Variants in AKR1B1 observed in about 807,000 individuals in gnomAD.
The protein encoded by AKR1B1 is aldo-keto reductase family 1 member B1.
A neutral mutation model predicts 40.4 loss-of-function variants in AKR1B1; 22 were observed. The observed-to-expected ratio is 0.54, with a 90% CI of 0.39 to 0.78. AKR1B1 has a LOEUF of 0.78. Among genes scored for constraint, AKR1B1 ranks in the 30% least tolerant of loss-of-function variants. The pLI, the probability that AKR1B1 is intolerant of heterozygous loss-of-function variation, is 0.00. For missense variants in AKR1B1, 357 were observed against 396.7 expected, an observed-to-expected ratio of 0.90 and a Z score of 0.85; for synonymous variants, 157 against 149.9, an observed-to-expected ratio of 1.05 and a Z score of -0.35.
chr7:134,458,975 C>A (rs774282095), intron 1 of AKR1B1, 22 bp downstream of exon 1: 1 of 1,599,426 alleles, frequency 6.3e-7, no homozygotes. Flanking sequence ...AGCCCCGGGC[C>A]CGCGCCCCCA....
chr7:134,447,661 T>C (rs1806145770), intron 7 of AKR1B1: 1 of 614,046 alleles, frequency 1.6e-6, no homozygotes, highest in East Asian at 2.8e-5. Context: ...AAATGCACAC[T>C]ACCACTCAGG....
chr7:134,442,796 T>C, intron 9 of AKR1B1, 26 bp from the exon 10 acceptor site: 1 of 1,612,896 alleles, frequency 6.2e-7, no homozygotes, highest in Non-Finnish European at 8.5e-7. Context: ...AGAAAACAGT[T>C]GCTTTTTGAA....
chr7:134,458,924 G>C, intron 1 of AKR1B1, 73 bp downstream of exon 1: 1 of 1,505,984 alleles, frequency 6.6e-7, no homozygotes. Context: ...GGGTCACTCG[G>C]GGTCCCTCGC....
intron 8 of AKR1B1, among the ~76,000 whole-genome samples, chr7:134,447,027 C>T (rs1440740166): frequency 2.0e-5 from 3 of 152,050 alleles, no homozygotes; most frequent in African/African-American, 4.8e-5. Flanking sequence ...AGATTCTCCC[C>T]GGGTAACCTC....
chr7:134,448,267 G>T, intron 6 of AKR1B1, 120 bp downstream of exon 6: 2 of 998,196 alleles, frequency 2.0e-6, no homozygotes, highest in Non-Finnish European at 3.1e-6. Context: ...CCAGCAAGAG[G>T]CTCAGGGGAA....
chr7:134,449,879 A>C, intron 3 of AKR1B1, 82 bp from the exon 4 acceptor site: 1 of 1,110,326 alleles, frequency 9.0e-7, no homozygotes, highest in Admixed American at 1.7e-5. Flanking sequence ...TGGCATCTAA[A>C]ACAATTCTAA....
intron 1 of AKR1B1, among the ~76,000 whole-genome samples, chr7:134,452,805 G>A (rs1417599370): frequency 6.6e-6 from 1 of 152,204 alleles, no homozygotes; most frequent in Non-Finnish European, 1.5e-5. Flanking sequence ...ATTTTCAACA[G>A]GCTTTGGGGA....
intron 1 of AKR1B1, among the ~76,000 whole-genome samples, chr7:134,455,827 C>A (rs1354210679): frequency 6.6e-6 from 1 of 152,164 alleles, no homozygotes; most frequent in Non-Finnish European, 1.5e-5. Context: ...AGGTGATCCA[C>A]CCGCCTTGGC....
intron 1 of AKR1B1, among the ~76,000 whole-genome samples, chr7:134,456,347 G>A (rs917047918): frequency 1.3e-5 from 2 of 151,760 alleles, no homozygotes; most frequent in Non-Finnish European, 2.9e-5. Context: ...CTACAGGTGC[G>A]TGCCACGATG....
At chr7:134,443,610 G>A (rs1423553552) in intron 9 of AKR1B1, among the ~76,000 whole-genome samples, 3 of 151,508 alleles carry the variant, frequency 2.0e-5, no homozygotes, top group African/African-American at 7.3e-5. Flanking sequence ...GGGAGCACAG[G>A]TGCAGACGTG....
At chr7:134,458,636 C>T (rs983895824) in intron 1 of AKR1B1, among the ~76,000 whole-genome samples, 2 of 152,204 alleles carry the variant, frequency 1.3e-5, no homozygotes, top group Non-Finnish European at 2.9e-5. Flanking sequence ...CTGTGAAGCC[C>T]ACTTTCCCCG....
intron 2 of AKR1B1, 152 bp from the exon 3 acceptor site, chr7:134,451,054 T>C (rs1411221127): frequency 2.8e-6 from 2 of 718,086 alleles, no homozygotes; most frequent in African/African-American, 1.7e-5. Flanking sequence ...TACTGGATCC[T>C]AACTTTCCAA....
At chr7:134,447,561 C>G (rs1806142935) in intron 7 of AKR1B1, 180 bp from the exon 8 acceptor site, 8 of 681,874 alleles carry the variant, frequency 1.2e-5, no homozygotes, top group Non-Finnish European at 2.1e-5. Flanking sequence ...AGGTCCAGAT[C>G]TGACTCCAGA....
At chr7:134,452,927 G>A (rs542723072) in intron 1 of AKR1B1, among the ~76,000 whole-genome samples, 73 of 152,274 alleles carry the variant, frequency 4.8e-4, no homozygotes, top group African/African-American at 1.7e-3. Context: ...GAAGGTGTGG[G>A]TTAAGAGGGG....
chr7:134,450,637 A>T, intron 3 of AKR1B1, 149 bp downstream of exon 3: 1 of 739,624 alleles, frequency 1.4e-6, no homozygotes, highest in Non-Finnish European at 2.5e-6. Context: ...AGACGCTCCC[A>T]GGTGATGCCA....
chr7:134,451,746 G>A lies in AKR1B1; in HGVS notation c.74C>T (p.Pro25Leu), dbSNP rs2117458889. The A allele has an allele frequency of 6.2e-7, 1 of 1,614,124 alleles. No individual in the cohort carries two copies. The highest frequency in any genetic ancestry group is 8.5e-7 in the Non-Finnish European group (1 of 1,180,010). ...CTTCACGGCCTCAGTCACCTGCCCT[G>A]GAGGGGACTGAAAGGAGAAAGAACG... ...ILGLGTWKSP[P>L]GQVTEAVKVA... Residue 25 changes from proline (P) to leucine (L), a missense_variant, in exon 2 of 10, where the codon CCA (proline) becomes CTA (leucine). Transcript: ENST00000285930.
chr7:134,449,597 AAAGAG>A (rs1360104125), intron 4 of AKR1B1, 118 bp downstream of exon 4: 13 of 876,778 alleles, frequency 1.5e-5, no homozygotes, highest in South Asian at 2.9e-5. Context: ...AAAAAAAAAA[AAAGAG>A]AGAGCAAACA....
chr7:134,452,817 G>A (rs1806330882), intron 1 of AKR1B1, among the ~76,000 whole-genome samples: 1 of 152,224 alleles, frequency 6.6e-6, no homozygotes, highest in Admixed American at 6.5e-5. Flanking sequence ...CTTTGGGGAA[G>A]AAAGGGGCCC....
intron 4 of AKR1B1, chr7:134,449,483 A>C: frequency 1.7e-6 from 1 of 582,182 alleles, no homozygotes; most frequent in Admixed American, 3.0e-5. Flanking sequence ...GCTACTCAGG[A>C]GGCTGAGGCA....
Sources: gnomAD v4.1 joint callset for allele counts (sites outside exome capture counted in the v4.1 genomes callset) on GRCh38, gnomAD v4.1.1 for gene constraint, MANE v1.5 for transcripts, NCBI Gene and HGNC (gene_info 2026-07-23, HGNC 2026-07-21) for gene names.